Variants in ZNF718 observed in about 807,000 individuals in gnomAD.
The protein encoded by ZNF718 is zinc finger protein 718.
A neutral mutation model predicts 2.6 loss-of-function variants in ZNF718; 3 were observed. The ratio of observed to expected loss-of-function variants is 1.16; its 90% CI spans 0.53 to 3.01. The LOEUF is 3.01. ZNF718 is among the 30% of genes most tolerant of loss of function. The pLI, the probability that ZNF718 is intolerant of heterozygous loss-of-function variation, is 0.03. For missense variants in ZNF718, 468 were observed against 230.0 expected (o/e 2.03, Z -6.69); for synonymous variants, 135 against 77.9 (o/e 1.73, Z -3.86).
chr4:127,075 T>C (rs111372941), intron 1 of ZNF718, among the ~76,000 whole-genome samples: 117,942 of 151,468 alleles, frequency 0.78, 46,320 homozygotes, highest in East Asian at 0.96. Flanking sequence ...CCACCGGCCT[T>C]GGCCTCCCAA....
intron 3 of ZNF718, among the ~76,000 whole-genome samples, chr4:143,344 C>T (rs1026906626): frequency 3.9e-5 from 6 of 152,134 alleles, no homozygotes; most frequent in Admixed American, 1.3e-4. Flanking sequence ...CCTACCACCA[C>T]GCCTGGCTAA....
chr4:181,953 A>G (rs868941192), intron 3 of ZNF718, among the ~76,000 whole-genome samples: 15 of 152,300 alleles, frequency 9.8e-5, no homozygotes, highest in Middle Eastern at 6.8e-3. Flanking sequence ...GCTAAAAATA[A>G]TGGCTTCTAG....
intron 3 of ZNF718, among the ~76,000 whole-genome samples, chr4:180,062 T>C (rs1286840995): frequency 6.6e-6 from 1 of 152,142 alleles, no homozygotes; most frequent in Non-Finnish European, 1.5e-5. Context: ...TTAAAAGTGC[T>C]ATAAATTAGA....
chr4:186,685 C>T (rs1185892365), intron 3 of ZNF718, among the ~76,000 whole-genome samples: 1 of 152,084 alleles, frequency 6.6e-6, no homozygotes, highest in Non-Finnish European at 1.5e-5. Flanking sequence ...GTTTTTCCTC[C>T]ACTTGGTCTA....
downstream of ZNF718, among the ~76,000 whole-genome samples, chr4:165,848 CT>C (rs1244555100): frequency 2.6e-5 from 3 of 114,074 alleles, no homozygotes; most frequent in South Asian, 3.1e-4. Context: ...ATTTTACGTT[CT>C]TTTTTTTTAT....
intron 3 of ZNF718, among the ~76,000 whole-genome samples, chr4:171,270 A>T (rs1224124418): frequency 6.6e-6 from 1 of 152,130 alleles, no homozygotes; most frequent in East Asian, 1.9e-4. Context: ...GATGCCTCCC[A>T]GTTAGGCTAC....
intron 3 of ZNF718, among the ~76,000 whole-genome samples, chr4:181,618 C>G (rs1406665432): frequency 6.6e-6 from 1 of 152,038 alleles, no homozygotes; most frequent in African/African-American, 2.4e-5. Context: ...TAATATACCA[C>G]AAATTCTATT....
chr4:145,392 A>G (rs1327359374), intron 3 of ZNF718, among the ~76,000 whole-genome samples: 1 of 151,950 alleles, frequency 6.6e-6, no homozygotes, highest in African/African-American at 2.4e-5. Flanking sequence ...ATCTACTGCC[A>G]TTTTTATTTT....
rs1453834945 is a variant in ZNF718, at chr4:182,277, C to T, written c.227-18804C>T. 2.0e-5 allele frequency among the ~76,000 whole-genome samples: 3 copies of T among 151,866 alleles called. No homozygotes were observed. In the East Asian group the frequency reaches 5.8e-4, roughly 29 times the overall value. On this transcript the variant is annotated intron_variant and NMD_transcript_variant, in intron 3 of 4. Coordinates refer to the ZNF718 transcript ENST00000642529. ...CAATGGTTGAACTAATTTACACTCT[C>T]ACCAATGGTGTAAGAGCATTCCTTT... is the stretch of plus-strand genomic sequence containing the variant.
At chr4:167,470 TC>T (rs1717116777), downstream of ZNF718, among the ~76,000 whole-genome samples, 1 of 152,212 alleles carries the variant, frequency 6.6e-6, no homozygotes, top group African/African-American at 2.4e-5. Flanking sequence ...TATTGATTCT[TC>T]CTACCCATGA....
At chr4:196,551 G>A (rs1717795952) in intron 3 of ZNF718, among the ~76,000 whole-genome samples, 1 of 152,204 alleles carries the variant, frequency 6.6e-6, no homozygotes, top group South Asian at 2.1e-4. Context: ...GTCGTGGTCA[G>A]GACCCAGGAG....
At chr4:181,576 A>T (rs1337710400) in intron 3 of ZNF718, among the ~76,000 whole-genome samples, 4 of 152,132 alleles carry the variant, frequency 2.6e-5, no homozygotes, top group Admixed American at 2.6e-4. Context: ...ATCTTTGACA[A>T]AATTAATTTT....
Position 126,112 on chromosome 4 carries a change from T to A in ZNF718, c.3+1439T>A, listed in dbSNP as rs537488545. Among the ~76,000 whole-genome samples, 41 of 152,356 alleles carry A rather than the reference T, an allele frequency of 2.7e-4. No homozygotes were observed. In the South Asian group the frequency reaches 8.1e-3, roughly 30 times the overall value. ...GGCTCTTGATAGCTCCTTGCTGTCT[T>A]GTGCTTTTTCCTTCCCCACAAATCC... is the stretch of plus-strand genomic sequence containing the variant. On this transcript the variant is annotated intron_variant, in intron 1 of 3. Coordinates refer to ENST00000510175, the MANE Select transcript of ZNF718 (RefSeq NM_001039127.6).
chr4:153,876 A>C (rs1716448445), intron 3 of ZNF718, among the ~76,000 whole-genome samples: 1 of 152,212 alleles, frequency 6.6e-6, no homozygotes, highest in Admixed American at 6.5e-5. Flanking sequence ...GGGACAAGAC[A>C]AGGATGTTAT....
Position 162,844 on chromosome 4 carries a change from G to C in ZNF718, c.*722G>C, listed in dbSNP as rs1420596672. The C allele has an allele frequency of 1.3e-5, 2 of 152,118 alleles. No homozygotes were observed. The highest frequency in any genetic ancestry group is 4.8e-5 in the African/African-American group (2 of 41,442). The allele number at this position is 152,118 out of a possible 1,614,324, so 9.4% of individuals were successfully genotyped here. On this transcript the variant is annotated 3_prime_UTR_variant, in exon 4 of 4. Transcript: ENST00000510175. ...TTTGTAGATGCGGTAAGTATGAAAAGATAGTCTGAAATTAAGACTAAATGT... is the reference window on the plus strand; with the variant it reads ...TTTGTAGATGCGGTAAGTATGAAAACATAGTCTGAAATTAAGACTAAATGT...
At chr4:153,803 T>C (rs1282390043) in intron 3 of ZNF718, among the ~76,000 whole-genome samples, 1 of 152,192 alleles carries the variant, frequency 6.6e-6, no homozygotes, top group Non-Finnish European at 1.5e-5. Context: ...CAGAAATCTA[T>C]ATACTGACAA....
chr4:185,913 A>G (rs554718121), intron 3 of ZNF718, among the ~76,000 whole-genome samples: 1 of 152,158 alleles, frequency 6.6e-6, no homozygotes, highest in Admixed American at 6.5e-5. Context: ...GGGTCTTTTG[A>G]AGACAGCGTA....
rs782649913 is a variant in ZNF718 at position 161,770 on chromosome 4, C to A, written c.1085C>A (p.Thr362Asn). 2 of 780,512 alleles carry A rather than the reference C, an allele frequency of 2.6e-6. No homozygotes were observed. Among genetic ancestry groups the A allele is most frequent in the Non-Finnish European group, 4.8e-6 (2 of 417,924 alleles). The allele number at this position is 780,512 out of a possible 1,614,324, so 48.3% of individuals were successfully genotyped here. A position where few individuals can be genotyped will look rare whatever the true frequency, so the allele number is the denominator to read the frequency against. The change falls in exon 4 of 4, where the codon ACT (threonine) becomes AAT (asparagine). Residue 362 changes from threonine to asparagine, a missense_variant. By Grantham distance (65) the Thr-to-Asn change is moderately conservative. Coordinates refer to ENST00000510175, the MANE Select transcript of ZNF718 (RefSeq NM_001039127.6). Reference sequence around the variant, plus strand: ...CTTACGACACATAAGAGAATCCATACTGGAGAGAAACCCTACACATGTGAA... The same window carrying A: ...CTTACGACACATAAGAGAATCCATAATGGAGAGAAACCCTACACATGTGAA... ...TTLTTHKRIHTGEKPYTCEEC... is the reference protein window; with the variant it reads ...TTLTTHKRIHNGEKPYTCEEC...
At position 131,479 on chromosome 4, in the gene ZNF718, T is replaced by C; in HGVS notation, c.200T>C (p.Ile67Thr). 1.9e-6 allele frequency: 1 copy of C among 514,262 alleles called. No homozygotes were observed. Among genetic ancestry groups the C allele is most frequent in the Non-Finnish European group, 3.1e-6 (1 of 321,330 alleles). The allele number at this position is 514,262 out of a possible 1,614,324, so 31.9% of individuals were successfully genotyped here. A position where few individuals can be genotyped will look rare whatever the true frequency, so the allele number is the denominator to read the frequency against. ...EQRKEPYNLKIHETAARPPAV... is the reference protein window; with the variant it reads ...EQRKEPYNLKTHETAARPPAV... Reference sequence around the variant, plus strand: ...AGAAAAGAGCCCTACAATTTGAAGATACATGAAACAGCAGCCAGACCCCCA... The same window carrying C: ...AGAAAAGAGCCCTACAATTTGAAGACACATGAAACAGCAGCCAGACCCCCA... The change falls in exon 3 of 4, where the codon ATA (isoleucine) becomes ACA (threonine). Residue 67 changes from isoleucine to threonine, a missense_variant. Coordinates refer to ENST00000510175, the MANE Select transcript of ZNF718 (RefSeq NM_001039127.6).
Sources: allele counts gnomAD v4.1 joint callset (sites outside exome capture counted in the v4.1 genomes callset), GRCh38; gene constraint gnomAD v4.1.1; transcripts MANE v1.5; gene names NCBI Gene and HGNC (gene_info 2026-07-23, HGNC 2026-07-21).